LMCD1: variants seen among roughly 807,000 people sequenced by gnomAD.
LMCD1 encodes LIM and cysteine rich domains 1.
LMCD1 carries 32 observed loss-of-function variants against 42.7 expected under a neutral mutation model. The ratio of observed to expected loss-of-function variants is 0.75; its 90% confidence interval spans 0.57 to 1.01. LMCD1 has a LOEUF of 1.01. LMCD1 is among the 50% of genes least tolerant of loss of function. The probability of loss-of-function intolerance (pLI) is 0.00; values close to 1 mark genes in which losing one functional copy is unlikely to be tolerated. For missense variants in LMCD1, 458 were observed against 483.1 expected (o/e 0.95, Z 0.49); for synonymous variants, 178 against 184.9 (o/e 0.96, Z 0.30).
chr3:8,528,567 C>T (rs1694344799), intron 1 of LMCD1, among the ~76,000 whole-genome samples: 2 of 152,098 alleles, frequency 1.3e-5, no homozygotes, highest in Admixed American at 1.3e-4. Context: ...TACAACAGCC[C>T]TATTGAGACA....
In LMCD1 at chr3:8,532,796, G is replaced by A. The variant is rs760837346; in HGVS notation, c.102G>A (p.Thr34=). 29 of 1,613,720 alleles carry A rather than the reference G, an allele frequency of 1.8e-5. 1 individual carries two copies. Among genetic ancestry groups the A allele is most frequent in the East Asian group, 2.2e-5 (1 of 44,858 alleles). The change falls in exon 2 of 6, where the codon ACG becomes ACA. Residue 34 remains threonine, a synonymous_variant. Coordinates refer to ENST00000157600, the MANE Select transcript of LMCD1 (RefSeq NM_014583.4). ...RGVACLGCKG[T]CSGFEPHSWR... is the part of the protein sequence containing the mutation. Reference sequence around the variant, plus strand: ...TGGCATGTTTGGGATGCAAGGGGACGTGTTCGGGCTTCGAGCCACATTCAT... The same window carrying A: ...TGGCATGTTTGGGATGCAAGGGGACATGTTCGGGCTTCGAGCCACATTCAT...
rs118117388 is a variant in LMCD1, at chr3:8,525,942, G to A, written c.43-6795G>A. ...CAGGAGAGTTTAATGTTGCAGACAA[G>A]TTAGGGAACCACTGTTGTAGCCCCT... On this transcript the variant is annotated intron_variant, in intron 1 of 5. Transcript: ENST00000157600. 6.4e-4 allele frequency among the ~76,000 whole-genome samples: 98 copies of A among 152,334 alleles called. 1 individual carries two copies. The East Asian group carries it at 0.018, about 28-fold the overall frequency.
intron 3 of LMCD1, among the ~76,000 whole-genome samples, chr3:8,540,103 C>G (rs891785718): frequency 1.3e-5 from 2 of 151,886 alleles, no homozygotes; most frequent in African/African-American, 4.8e-5. Context: ...AAGCTGGAAA[C>G]CATCATTCTG....
chr3:8,510,316 C>T (rs1013579942), intron 1 of LMCD1, among the ~76,000 whole-genome samples: 1 of 152,174 alleles, frequency 6.6e-6, no homozygotes, highest in Non-Finnish European at 1.5e-5. Flanking sequence ...CTGGCTCGGC[C>T]AGCCAGTCTC....
chr3:8,502,304 A>AATATATATAATATATATTAT (rs1693745934), intron 1 of LMCD1, among the ~76,000 whole-genome samples: 3 of 12,366 alleles, frequency 2.4e-4, no homozygotes, highest in African/African-American at 3.3e-4. Flanking sequence ...TATTATATAT[A>AATATATATAATATATATTAT]ATATATAAAA....
intron 1 of LMCD1, chr3:8,514,995 T>C (rs1450623530): frequency 2.2e-6 from 1 of 456,656 alleles, no homozygotes; most frequent in Non-Finnish European, 4.4e-6. Context: ...TTCGACCGCA[T>C]GTAAGTTTTC....
rs1695163634 is a variant in LMCD1, at chr3:8,568,345, G to A, written c.*747G>A. 1 of 152,208 alleles carries A rather than the reference G, an allele frequency of 6.6e-6. No individual in the cohort carries two copies. The highest frequency in any genetic ancestry group is 1.9e-4 in the East Asian group (1 of 5,196). 9.4% of individuals were successfully genotyped at this position (152,208 alleles called of 1,614,324 possible). ...ATCATGTTTTATGGTACACTGAAAA[G>A]TGGCCTGCTGGGAACTGATGAGCTT... On this transcript the variant is annotated 3_prime_UTR_variant, in exon 6 of 6. Coordinates refer to ENST00000157600, the MANE Select transcript of LMCD1 (RefSeq NM_014583.4).
intron 4 of LMCD1, chr3:8,550,174 G>T: frequency 7.7e-7 from 1 of 1,295,340 alleles, no homozygotes; most frequent in Non-Finnish European, 9.9e-7. Flanking sequence ...GTCTTAAACT[G>T]CCCCACAGAA....
rs74530103 is a variant in LMCD1 at position 8,514,511 on chromosome 3, G to A, written c.42+12531G>A. Reference sequence around the variant, plus strand: ...TATTCCAACAATTACACTTCTAGGTGTATGTCCAAAAGAAAGGATCACAGA... The same window carrying A: ...TATTCCAACAATTACACTTCTAGGTATATGTCCAAAAGAAAGGATCACAGA... On this transcript the variant is annotated intron_variant, in intron 1 of 5. Coordinates refer to ENST00000157600, the MANE Select transcript of LMCD1 (RefSeq NM_014583.4). Among the ~76,000 whole-genome samples the A allele has an allele frequency of 1.8e-4, 27 of 152,280 alleles. No homozygotes were observed. In the East Asian group the frequency reaches 5.2e-3, roughly 29 times the overall value.
chr3:8,504,044 T>C (rs1235633749), intron 1 of LMCD1, among the ~76,000 whole-genome samples: 2 of 152,166 alleles, frequency 1.3e-5, no homozygotes, highest in African/African-American at 4.8e-5. Context: ...CTGCAAAGGG[T>C]TTGTTTTCCA....
At position 8,567,511 on chromosome 3, in the gene LMCD1, T is replaced by C; in HGVS notation, c.1011T>C (p.Gly337=). 1 of 1,613,594 alleles carries C rather than the reference T, an allele frequency of 6.2e-7. No homozygotes were observed. The highest frequency in any genetic ancestry group is 8.5e-7 in the Non-Finnish European group (1 of 1,179,900). Residue 337 remains glycine (G), a synonymous_variant, in exon 6 of 6, where the codon GGT becomes GGC. Transcript: ENST00000157600. ...AWHRKHFVCE[G]CEQLLSGRAY... Reference sequence around the variant, plus strand: ...ACCGAAAGCACTTTGTCTGTGAGGGTTGTGAGCAGCTGCTGAGCGGCCGGG... The same window carrying C: ...ACCGAAAGCACTTTGTCTGTGAGGGCTGTGAGCAGCTGCTGAGCGGCCGGG...
At chr3:8,522,013 C>T (rs1312221908) in intron 1 of LMCD1, among the ~76,000 whole-genome samples, 4 of 152,122 alleles carry the variant, frequency 2.6e-5, no homozygotes, top group Non-Finnish European at 4.4e-5. Context: ...TATACACTTA[C>T]TTCTTTCATG....
chr3:8,526,144 C>A (rs1309980775), intron 1 of LMCD1, among the ~76,000 whole-genome samples: 1 of 152,202 alleles, frequency 6.6e-6, no homozygotes, highest in Non-Finnish European at 1.5e-5. Context: ...CCCCTCCTCA[C>A]ACACCCAGAA....
Position 8,549,049 on chromosome 3 carries a change from T to A in LMCD1, c.723+146T>A, listed in dbSNP as rs566667811. 9.8e-6 allele frequency: 6 copies of A among 612,298 alleles called. No homozygotes were observed. In the African/African-American group the frequency reaches 1.1e-4, roughly 11 times the overall value. 37.9% of individuals were successfully genotyped at this position (612,298 alleles called of 1,614,324 possible). On this transcript the variant is annotated intron_variant, in intron 4 of 5. Coordinates refer to ENST00000157600, the MANE Select transcript of LMCD1 (RefSeq NM_014583.4). ...CAGCAGATATTGATTGCTCATTTAG[T>A]CTGTGCCAGGCACTGTCCCATGGAA...
intron 2 of LMCD1, 109 bp downstream of exon 2, chr3:8,532,934 C>T: frequency 1.1e-6 from 1 of 894,164 alleles, no homozygotes; most frequent in Non-Finnish European, 1.8e-6. Context: ...TATGCGTTGT[C>T]AGGGAAGGAT....
At chr3:8,516,244 G>A (rs769833005) in intron 1 of LMCD1, among the ~76,000 whole-genome samples, 2 of 152,126 alleles carry the variant, frequency 1.3e-5, no homozygotes, top group Non-Finnish European at 1.5e-5. Flanking sequence ...CCTGGATCAC[G>A]GAACAACAGC....
chr3:8,551,191 C>T (rs1175730387), intron 4 of LMCD1: 12 of 985,178 alleles, frequency 1.2e-5, no homozygotes, highest in African/African-American at 1.7e-5. Context: ...TGTCTGTCAC[C>T]GTCTGTAGAT....
At chr3:8,533,436 T>A (rs145067543) in intron 2 of LMCD1, among the ~76,000 whole-genome samples, 156 of 152,256 alleles carry the variant, frequency 1.0e-3, no homozygotes, top group Middle Eastern at 0.01. Context: ...AGCATCTATG[T>A]GGATGGCACC....
At chr3:8,555,250 C>A (rs1023761752) in intron 4 of LMCD1, among the ~76,000 whole-genome samples, 2 of 150,712 alleles carry the variant, frequency 1.3e-5, no homozygotes, top group African/African-American at 4.9e-5. Flanking sequence ...CAGCCCAACT[C>A]CAGCCCCAAT....
Sources: allele counts gnomAD v4.1 joint callset (sites outside exome capture counted in the v4.1 genomes callset), GRCh38; gene constraint gnomAD v4.1.1; transcripts MANE v1.5; gene names NCBI Gene and HGNC (gene_info 2026-07-23, HGNC 2026-07-21).